The following NFIC variants were observed in gnomAD, a reference collection of about 807,000 sequenced individuals.
NFIC encodes the protein nuclear factor 1 C-type.
In NFIC, 12 loss-of-function variants were observed where a neutral mutation model predicts 54.4. The ratio of observed to expected loss-of-function variants is 0.22; its 90% CI spans 0.14 to 0.36. The LOEUF is 0.36. Ranked by LOEUF, NFIC falls within the 10% of genes least tolerant of loss-of-function variation. NFIC has a pLI of 1.00. For missense variants in NFIC, 575 were observed against 718.2 expected, an observed-to-expected ratio of 0.80 and a Z score of 2.28; for synonymous variants, 322 against 319.2, an observed-to-expected ratio of 1.01 and a Z score of -0.09.
chr19:3,372,576 G>A (rs1368913037), intron 1 of NFIC, among the ~76,000 whole-genome samples: 4 of 152,192 alleles, frequency 2.6e-5, no homozygotes, highest in Admixed American at 6.5e-5. Context: ...CCTTGAGGAT[G>A]TGGTGTGCGA....
Position 3,440,488 on chromosome 19 carries a change from A to T in NFIC, c.958+5281A>T, listed in dbSNP as rs151314227. ...TGTCGCTCGCCCAGGCTGGGGTGCA[A>T]TGCGCGATCTTGACTCACTGCAAGC... On this transcript the variant is annotated intron_variant, in intron 6 of 10. Transcript: ENST00000443272. 5.3e-5 allele frequency among the ~76,000 whole-genome samples: 8 copies of T among 151,202 alleles called. No homozygotes were observed. In the South Asian group the frequency reaches 1.7e-3, roughly 32 times the overall value.
intron 3 of NFIC, among the ~76,000 whole-genome samples, chr19:3,429,013 G>A (rs1045182764): frequency 2.0e-5 from 3 of 151,938 alleles, no homozygotes; most frequent in African/African-American, 4.8e-5. Context: ...GGCCGGGTGC[G>A]GTGGCTCACG....
At chr19:3,417,251 G>A (rs1308633884) in intron 2 of NFIC, among the ~76,000 whole-genome samples, 7 of 152,128 alleles carry the variant, frequency 4.6e-5, no homozygotes. Flanking sequence ...AGACCGGCCT[G>A]GGCAATATAG....
chr19:3,366,083 T>G (rs1599546078), upstream of NFIC, among the ~76,000 whole-genome samples: 4 of 133,676 alleles, frequency 3.0e-5, no homozygotes, highest in African/African-American at 5.6e-5. Context: ...AGCTCGGGGG[T>G]GATGGGGGGG....
upstream of NFIC, chr19:3,366,547 T>TGGGGGGGGGGG (rs1297245047): frequency 5.4e-5 from 19 of 353,472 alleles, no homozygotes; most frequent in South Asian, 5.2e-4. Context: ...GGGGGGGGGT[T>TGGGGGGGGGGG]GGGGGGGGCG....
At chr19:3,388,113 G>A (rs920057086) in intron 2 of NFIC, among the ~76,000 whole-genome samples, 2 of 152,166 alleles carry the variant, frequency 1.3e-5, no homozygotes, top group African/African-American at 4.8e-5. Context: ...CCCGCCTTGC[G>A]TCGTGCCAAG....
At chr19:3,436,200 C>G (rs756185330) in intron 6 of NFIC, among the ~76,000 whole-genome samples, 1 of 149,180 alleles carries the variant, frequency 6.7e-6, no homozygotes, top group African/African-American at 2.5e-5. Flanking sequence ...GCTGGAGTGC[C>G]GGGGTGCAAT....
chr19:3,363,263 ATATATATT>A (rs1226416719), upstream of NFIC, among the ~76,000 whole-genome samples: 124 of 60,874 alleles, frequency 2.0e-3, no homozygotes, highest in South Asian at 0.027. Context: ...ATATATATAT[ATATATATT>A]TTTTTTTTTT....
chr19:3,449,154 C>T lies in NFIC; in HGVS notation c.1084+15C>T, dbSNP rs373833587. On this transcript the variant is annotated intron_variant, in intron 7 of 10. Coordinates refer to ENST00000443272, the MANE Select transcript of NFIC (RefSeq NM_001245002.2). Reference sequence around the variant, plus strand: ...CGTGCACAGCGGTAAGCGCCACGGGCCCCTGGCGGGGAGGGGCGGCGGGCC... The same window carrying T: ...CGTGCACAGCGGTAAGCGCCACGGGTCCCTGGCGGGGAGGGGCGGCGGGCC... The T allele has an allele frequency of 3.1e-6, 5 of 1,606,470 alleles. No individual in the cohort carries two copies. The highest frequency in any genetic ancestry group is 4.2e-6 in the Non-Finnish European group (5 of 1,176,698).
Position 3,390,953 on chromosome 19 carries a change from T to C in NFIC, c.562+8710T>C, listed in dbSNP as rs141583944. ...CTGGAGAGGATGGTGGTAATGGTTG[T>C]ACAACCCTATGAATACGCTTAATGC... is the stretch of plus-strand genomic sequence containing the variant. On this transcript the variant is annotated intron_variant, in intron 2 of 10. Transcript: ENST00000443272. 4.8e-3 allele frequency among the ~76,000 whole-genome samples: 732 copies of C among 152,212 alleles called. 7 individuals are homozygous for C. The highest frequency in any genetic ancestry group is 0.023 in the East Asian group (121 of 5,176).
Position 3,468,862 on chromosome 19 carries a change from C to G in NFIC, c.*6093C>G, listed in dbSNP as rs1424722980. 6.6e-6 allele frequency: 1 copy of G among 152,162 alleles called. No individual in the cohort carries two copies. The allele number at this position is 152,162 out of a possible 1,614,324, so 9.4% of individuals were successfully genotyped here. ...TCCGGAGAAGGTTCCAGCAGGTCCC[C>G]CACCCTCCCCTCCTCCTCCTACTTC... On this transcript the variant is annotated 3_prime_UTR_variant, in exon 11 of 11. Transcript: ENST00000443272.
chr19:3,403,767 G>A (rs922850246), intron 2 of NFIC, among the ~76,000 whole-genome samples: 2 of 152,102 alleles, frequency 1.3e-5, no homozygotes, highest in African/African-American at 4.8e-5. Context: ...AGTTGGAGAC[G>A]CGCCCCAAGA....
chr19:3,365,292 G>A (rs2080865985), upstream of NFIC, among the ~76,000 whole-genome samples: 1 of 152,222 alleles, frequency 6.6e-6, no homozygotes, highest in South Asian at 2.1e-4. Flanking sequence ...AAATGGCCAA[G>A]CTTTCTAAGA....
chr19:3,448,069 T>C (rs2082399564), intron 6 of NFIC, among the ~76,000 whole-genome samples: 1 of 151,794 alleles, frequency 6.6e-6, no homozygotes, highest in Non-Finnish European at 1.5e-5. Context: ...TGCACCCGAC[T>C]ATCCATCTGT....
At chr19:3,366,533 G>GC (rs1469529364), upstream of NFIC, 24 of 543,830 alleles carry the variant, frequency 4.4e-5, no homozygotes, top group Non-Finnish European at 6.5e-5. Context: ...CGGCCGCGGG[G>GC]CGGGGGGGGG....
intron 2 of NFIC, among the ~76,000 whole-genome samples, chr19:3,390,514 C>T (rs1232501452): frequency 6.6e-6 from 1 of 152,104 alleles, no homozygotes; most frequent in Non-Finnish European, 1.5e-5. Context: ...TCTGGAACTG[C>T]GTGATGTTTG....
chr19:3,394,153 T>TA (rs1006750291), intron 2 of NFIC, among the ~76,000 whole-genome samples: 1 of 151,936 alleles, frequency 6.6e-6, no homozygotes, highest in African/African-American at 2.4e-5. Context: ...TCTGGAATGA[T>TA]ACTATTGCAA....
chr19:3,362,166 G>C (rs1237615206), upstream of NFIC, among the ~76,000 whole-genome samples: 1 of 152,186 alleles, frequency 6.6e-6, no homozygotes, highest in Non-Finnish European at 1.5e-5. Flanking sequence ...GTGATGGTGC[G>C]TATGTGACTC....
chr19:3,389,979 T>C (rs1027582855), intron 2 of NFIC, among the ~76,000 whole-genome samples: 35 of 152,212 alleles, frequency 2.3e-4, no homozygotes, highest in African/African-American at 7.2e-4. Flanking sequence ...AGTGAAACTC[T>C]GTCCCAAAAA....
Sources: gnomAD v4.1 joint callset for allele counts (sites outside exome capture counted in the v4.1 genomes callset) on GRCh38, gnomAD v4.1.1 for gene constraint, MANE v1.5 for transcripts, NCBI Gene and HGNC (gene_info 2026-07-23, HGNC 2026-07-21) for gene names.